The following DNAH9 variants were observed in gnomAD, a reference collection of about 807,000 sequenced individuals.
DNAH9 encodes the protein DNAH9 variant protein.
In DNAH9, 345 loss-of-function variants were observed where a neutral mutation model predicts 471.6. That is an observed-to-expected ratio of 0.73 (90% CI 0.67 to 0.80). The LOEUF (loss-of-function observed/expected upper bound fraction) is 0.80, where lower values mean the gene tolerates loss of function less well. DNAH9 is among the 30% of genes least tolerant of loss of function. DNAH9 has a pLI of 0.00. For missense variants in DNAH9, 5,407 were observed against 5,609.2 expected (o/e 0.96, Z 1.15); for synonymous variants, 2,093 against 2,123.6 (o/e 0.99, Z 0.40).
chr17:11,732,589 G>A (rs1344230682), intron 28 of DNAH9, among the ~76,000 whole-genome samples: 2 of 151,956 alleles, frequency 1.3e-5, no homozygotes, highest in South Asian at 4.1e-4. Context: ...ATGTCTCCAT[G>A]AGACTGGTCA....
At chr17:11,814,053 T>C (rs1231173405) in intron 45 of DNAH9, among the ~76,000 whole-genome samples, 2 of 152,098 alleles carry the variant, frequency 1.3e-5, no homozygotes, top group Non-Finnish European at 2.9e-5. Context: ...GAAATGTGAG[T>C]CCTTGCTGGA....
intron 6 of DNAH9, 78 bp from the exon 7 acceptor site, chr17:11,629,339 A>T: frequency 1.7e-6 from 2 of 1,176,914 alleles, no homozygotes; most frequent in Non-Finnish European, 2.5e-6. Context: ...ATGAGTGAGA[A>T]CATGCGGTGT....
intron 48 of DNAH9, among the ~76,000 whole-genome samples, chr17:11,831,122 A>G (rs1384765154): frequency 6.6e-6 from 1 of 152,202 alleles, no homozygotes; most frequent in Non-Finnish European, 1.5e-5. Flanking sequence ...AATATCTCTA[A>G]GCTTCTGTTT....
intron 35 of DNAH9, among the ~76,000 whole-genome samples, chr17:11,759,546 G>A (rs76996423): frequency 0.033 from 1,811 of 54,118 alleles, 34 homozygotes; most frequent in African/African-American, 0.093. Context: ...TTTTTGAGTC[G>A]TTGTCTCGCT....
intron 49 of DNAH9, among the ~76,000 whole-genome samples, chr17:11,843,697 A>T (rs968971576): frequency 6.6e-5 from 10 of 151,408 alleles, no homozygotes; most frequent in Admixed American, 2.0e-4. Flanking sequence ...CAGATGGAAG[A>T]AAAGTGTGCA....
At chr17:11,677,636 G>A (rs866491713) in intron 17 of DNAH9, among the ~76,000 whole-genome samples, 26 of 152,100 alleles carry the variant, frequency 1.7e-4, no homozygotes, top group South Asian at 8.3e-4. Context: ...AACATTGATC[G>A]TGGTACATTT....
intron 10 of DNAH9, among the ~76,000 whole-genome samples, chr17:11,642,018 T>C (rs1354259888): frequency 6.6e-6 from 1 of 151,978 alleles, no homozygotes; most frequent in Non-Finnish European, 1.5e-5. Flanking sequence ...GCGTGACCTT[T>C]GGGTGAGGCA....
intron 22 of DNAH9, among the ~76,000 whole-genome samples, chr17:11,698,973 G>A (rs1011749516): frequency 4.6e-5 from 7 of 152,136 alleles, no homozygotes; most frequent in Non-Finnish European, 5.9e-5. Context: ...GGCTATGGCC[G>A]GGTGTGGTGG....
chr17:11,647,572 C>T (rs2073419457), intron 12 of DNAH9, among the ~76,000 whole-genome samples: 1 of 152,272 alleles, frequency 6.6e-6, no homozygotes, highest in East Asian at 1.9e-4. Context: ...GGAAGTACTA[C>T]AAAAGATCAC....
intron 8 of DNAH9, among the ~76,000 whole-genome samples, chr17:11,634,932 G>A (rs1356469078): frequency 2.0e-5 from 3 of 152,212 alleles, no homozygotes; most frequent in Admixed American, 6.5e-5. Context: ...CAAAAAAATG[G>A]CCCAACCTGA....
intron 45 of DNAH9, among the ~76,000 whole-genome samples, chr17:11,821,646 C>T (rs1597695581): frequency 6.6e-6 from 1 of 151,962 alleles, no homozygotes; most frequent in East Asian, 1.9e-4. Context: ...ATGCTTTGAG[C>T]AAAAGAAAAA....
chr17:11,951,342 G>T lies in DNAH9; in HGVS notation c.12843+8857G>T, dbSNP rs80030378. 6.9e-3 allele frequency among the ~76,000 whole-genome samples: 1,043 copies of T among 152,240 alleles called. 10 individuals are homozygous for T. Among genetic ancestry groups the T allele is most frequent in the East Asian group, 0.048 (249 of 5,172 alleles). The stretch of plus-strand genomic sequence containing the variant: ...AACCACAGGTTGGCAAGCAAGTAGT[G>T]CTATTGTATGCACATAAAAATTTGT... On this transcript the variant is annotated intron_variant, in intron 67 of 68. Transcript: ENST00000262442.
At chr17:11,729,608 G>T (rs555337751) in intron 28 of DNAH9, among the ~76,000 whole-genome samples, 3 of 152,008 alleles carry the variant, frequency 2.0e-5, no homozygotes, top group Non-Finnish European at 4.4e-5. Flanking sequence ...TAAGGAAAGC[G>T]TTTAGCTTGA....
chr17:11,598,522 C>A lies in DNAH9; in HGVS notation c.24C>A (p.Ala8=), dbSNP rs751934212. Residue 8 remains alanine, a synonymous_variant, in exon 1 of 69, where the codon GCC becomes GCA. Coordinates refer to ENST00000262442, the MANE Select transcript of DNAH9 (RefSeq NM_001372.4). MRLAEER[A]ALAAENADGE... ...CGATGCGGCTCGCGGAGGAGCGGGC[C>A]GCGCTCGCGGCGGAGAACGCGGATG... 7 of 1,345,578 alleles carry A rather than the reference C, an allele frequency of 5.2e-6. No individual in the cohort carries two copies. Among genetic ancestry groups the A allele is most frequent in the African/African-American group, 3.1e-5 (2 of 65,444 alleles). 83.4% of individuals were successfully genotyped at this position (1,345,578 alleles called of 1,614,324 possible).
At chr17:11,752,992 T>A in intron 33 of DNAH9, 32 bp downstream of exon 33, 1 of 1,513,382 alleles carries the variant, frequency 6.6e-7, no homozygotes, top group Non-Finnish European at 8.9e-7. Flanking sequence ...CTAGATCATT[T>A]CTAATCACCT....
intron 12 of DNAH9, among the ~76,000 whole-genome samples, chr17:11,649,504 C>A (rs760075035): frequency 1.3e-5 from 2 of 151,990 alleles, no homozygotes; most frequent in Non-Finnish European, 2.9e-5. Flanking sequence ...CAACAAATAT[C>A]CCTAGTTTTG....
intron 9 of DNAH9, among the ~76,000 whole-genome samples, chr17:11,638,551 A>G (rs1454905383): frequency 6.6e-6 from 1 of 151,930 alleles, no homozygotes; most frequent in Non-Finnish European, 1.5e-5. Context: ...GGCCCGGCTA[A>G]TTTTTTTGTA....
intron 40 of DNAH9, 35 bp downstream of exon 40, chr17:11,783,783 C>T: frequency 6.5e-7 from 1 of 1,547,118 alleles, no homozygotes; most frequent in Non-Finnish European, 8.9e-7. Flanking sequence ...GGTCCTAATC[C>T]TATCTTACTA....
At chr17:11,663,640 C>A (rs1342029599) in intron 14 of DNAH9, among the ~76,000 whole-genome samples, 1 of 152,124 alleles carries the variant, frequency 6.6e-6, no homozygotes, top group Non-Finnish European at 1.5e-5. Flanking sequence ...TAGAAAATTC[C>A]AACACGTTTG....
Sources: allele counts gnomAD v4.1 joint callset (sites outside exome capture counted in the v4.1 genomes callset), GRCh38; gene constraint gnomAD v4.1.1; transcripts MANE v1.5; gene names NCBI Gene and HGNC (gene_info 2026-07-23, HGNC 2026-07-21).